Variants in NTM observed in about 807,000 individuals in gnomAD.
NTM encodes IgLON family member 2.
A neutral mutation model predicts 42.1 loss-of-function variants in NTM; 13 were observed. The observed-to-expected ratio is 0.31, with a 90% CI of 0.20 to 0.49. NTM has a LOEUF of 0.49. Ranked by LOEUF, NTM falls within the 20% of genes least tolerant of loss-of-function variation. The probability of loss-of-function intolerance (pLI) is 0.99; values close to 1 mark genes in which losing one functional copy is unlikely to be tolerated. For synonymous variants in NTM, 187 were observed against 179.2 expected (o/e 1.04, Z -0.35); for missense variants, 373 against 452.8 (o/e 0.82, Z 1.60).
At chr11:132,220,328 T>C (rs73597213) in intron 4 of NTM, among the ~76,000 whole-genome samples, 16,155 of 152,234 alleles carry the variant, frequency 0.11, 1,397 homozygotes, top group African/African-American at 0.23. Context: ...AAGACATTTA[T>C]AGATCACTCT....
chr11:131,578,276 G>T (rs929046053), intron 1 of NTM, among the ~76,000 whole-genome samples: 1 of 152,130 alleles, frequency 6.6e-6, no homozygotes, highest in African/African-American at 2.4e-5. Flanking sequence ...TTATAATTAG[G>T]TCCCCCAAGC....
At chr11:132,149,380 T>C (rs1212766396) in intron 3 of NTM, among the ~76,000 whole-genome samples, 1 of 152,116 alleles carries the variant, frequency 6.6e-6, no homozygotes, top group Non-Finnish European at 1.5e-5. Flanking sequence ...TTGGGCATAT[T>C]AGGTTTTCAA....
At chr11:132,206,652 T>C (rs944373592) in intron 3 of NTM, among the ~76,000 whole-genome samples, 2 of 152,204 alleles carry the variant, frequency 1.3e-5, no homozygotes, top group African/African-American at 2.4e-5. Context: ...CTGCGTTGCC[T>C]CTTGTAGTCA....
chr11:131,394,337 G>A (rs1188797871), intron 1 of NTM, among the ~76,000 whole-genome samples: 2 of 152,108 alleles, frequency 1.3e-5, no homozygotes, highest in Non-Finnish European at 2.9e-5. Context: ...CCTGTGGAGG[G>A]CCTCCCAGGG....
At chr11:132,227,654 A>G (rs1324670027) in intron 4 of NTM, among the ~76,000 whole-genome samples, 2 of 152,126 alleles carry the variant, frequency 1.3e-5, no homozygotes, top group African/African-American at 4.8e-5. Context: ...TGAGCAATCT[A>G]TACATTTTGA....
Position 131,930,264 on chromosome 11 carries a change from G to A in NTM, c.167+18616G>A, listed in dbSNP as rs188838214. Among the ~76,000 whole-genome samples, 117 of 152,252 alleles carry A rather than the reference G, an allele frequency of 7.7e-4. 1 individual carries two copies. The East Asian group carries it at 0.019, about 25-fold the overall frequency. On this transcript the variant is annotated intron_variant, in intron 2 of 8. Coordinates refer to ENST00000683400, the MANE Select transcript of NTM (RefSeq NM_001352005.2). ...CCTTCTAGACAGTGGAAGTGAGTGG[G>A]ACAGGTGGCCATATATGGTTTGAGC...
chr11:132,119,803 G>A (rs1187447890), intron 2 of NTM, among the ~76,000 whole-genome samples: 2 of 152,242 alleles, frequency 1.3e-5, no homozygotes, highest in African/African-American at 4.8e-5. Context: ...ACCTGGCAAT[G>A]CACAGGCAGT....
In NTM at chr11:131,789,617, A is replaced by G. The variant is rs542958417; in HGVS notation, c.83-121947A>G. Among the ~76,000 whole-genome samples the G allele has an allele frequency of 1.0e-3, 87 of 83,056 alleles. 3 individuals carry two copies. The highest frequency in any genetic ancestry group is 1.6e-3 in the Non-Finnish European group (66 of 41,326). The allele number at this position is 83,056 out of a possible 152,430, so 54.5% of individuals were successfully genotyped here. A position where few individuals can be genotyped will look rare whatever the true frequency, so the allele number is the denominator to read the frequency against. ...GAAGAAGAAGAAGAAGAAGAAGAAGAAGAAGAAGAAGAAGAAGAAAAGAAG... is the reference window on the plus strand; with the variant it reads ...GAAGAAGAAGAAGAAGAAGAAGAAGGAGAAGAAGAAGAAGAAGAAAAGAAG... On this transcript the variant is annotated intron_variant, in intron 1 of 8. Transcript: ENST00000683400.
chr11:132,184,224 A>T (rs1249544090), intron 3 of NTM, among the ~76,000 whole-genome samples: 1 of 152,022 alleles, frequency 6.6e-6, no homozygotes, highest in Admixed American at 6.5e-5. Context: ...CTGCCTCCTC[A>T]CCAAGGCAGA....
At chr11:131,653,556 T>C (rs767186182) in intron 1 of NTM, among the ~76,000 whole-genome samples, 4 of 152,258 alleles carry the variant, frequency 2.6e-5, no homozygotes, top group Non-Finnish European at 5.9e-5. Context: ...GCCTCTCCCC[T>C]GCCACAGTGG....
chr11:131,717,362 A>G (rs1444564143), intron 1 of NTM, among the ~76,000 whole-genome samples: 1 of 152,142 alleles, frequency 6.6e-6, no homozygotes, highest in Admixed American at 6.6e-5. Flanking sequence ...ATGACTGATT[A>G]GTTTAGTATA....
At chr11:131,976,869 T>C (rs1001837343) in intron 2 of NTM, among the ~76,000 whole-genome samples, 6 of 152,182 alleles carry the variant, frequency 3.9e-5, no homozygotes, top group African/African-American at 1.4e-4. Context: ...GGAGCACAGG[T>C]ACATTTAATT....
intron 3 of NTM, among the ~76,000 whole-genome samples, chr11:132,170,353 A>G (rs1164446934): frequency 6.6e-6 from 1 of 152,194 alleles, no homozygotes; most frequent in Admixed American, 6.5e-5. Flanking sequence ...GCTAGGGAGT[A>G]TCTACCATTT....
intron 1 of NTM, among the ~76,000 whole-genome samples, chr11:131,858,386 T>A (rs1202448138): frequency 6.6e-6 from 1 of 151,238 alleles, no homozygotes; most frequent in Non-Finnish European, 1.5e-5. Context: ...AATATTTATC[T>A]GTTTCCCCAG....
intron 1 of NTM, among the ~76,000 whole-genome samples, chr11:131,659,415 G>A (rs2067655593): frequency 2.0e-5 from 3 of 152,228 alleles, no homozygotes; most frequent in Admixed American, 2.0e-4. Context: ...CACACTGGGT[G>A]AGGGAGTTGA....
intron 1 of NTM, among the ~76,000 whole-genome samples, chr11:131,880,325 CCTGGATCTAATG>C (rs1415198759): frequency 6.6e-6 from 1 of 152,150 alleles, no homozygotes; most frequent in Non-Finnish European, 1.5e-5. Context: ...AGCAAACAGA[CCTGGATCTAATG>C]CTGAATTATA....
chr11:131,863,625 C>A (rs1297403698), intron 1 of NTM, among the ~76,000 whole-genome samples: 5 of 152,198 alleles, frequency 3.3e-5, no homozygotes, highest in African/African-American at 1.2e-4. Flanking sequence ...TCTTTCTAAA[C>A]TGAACCTGCA....
chr11:131,504,894 G>A (rs957931690), intron 1 of NTM, among the ~76,000 whole-genome samples: 5 of 152,208 alleles, frequency 3.3e-5, no homozygotes, highest in South Asian at 2.1e-4. Flanking sequence ...GGCAATTGGC[G>A]GTCATGTCTC....
chr11:131,911,154 G>T, intron 1 of NTM: 1 of 1,293,052 alleles, frequency 7.7e-7, no homozygotes, highest in Non-Finnish European at 9.9e-7. Context: ...GGAAGAAGCG[G>T]CTCCTGAGAC....
Sources: allele counts gnomAD v4.1 joint callset (sites outside exome capture counted in the v4.1 genomes callset), GRCh38; gene constraint gnomAD v4.1.1; transcripts MANE v1.5; gene names NCBI Gene and HGNC (gene_info 2026-07-23, HGNC 2026-07-21).